Variants in CDH13 observed in about 807,000 individuals in gnomAD.
The protein encoded by CDH13 is cadherin-13.
A neutral mutation model predicts 63.8 loss-of-function variants in CDH13; 24 were observed. The ratio of observed to expected loss-of-function variants is 0.38; its 90% CI spans 0.27 to 0.53. CDH13 has a LOEUF of 0.53. Among genes scored for constraint, CDH13 ranks in the 20% least tolerant of loss-of-function variants. CDH13 has a pLI of 0.85. For missense variants in CDH13, 1,049 were observed against 903.1 expected (o/e 1.16, Z -2.07); for synonymous variants, 503 against 355.3 (o/e 1.42, Z -4.67).
At chr16:83,728,986 C>G (rs1250296271) in intron 10 of CDH13, 1 of 152,794 alleles carries the variant, frequency 6.5e-6, no homozygotes, top group Non-Finnish European at 1.5e-5. Flanking sequence ...GCCTCATTTC[C>G]TTGGGGCATG....
intron 2 of CDH13, chr16:82,859,642 A>C (rs968265962): frequency 1.3e-5 from 2 of 152,084 alleles, no homozygotes; most frequent in Non-Finnish European, 2.9e-5. Flanking sequence ...AGGTGATTCC[A>C]CATTGGCTCT....
At position 83,798,048 on chromosome 16, in the gene CDH13, A is replaced by G. The variant is rs1904291219; in HGVS notation, c.*3018A>G. 1 of 152,246 alleles carries G rather than the reference A, an allele frequency of 6.6e-6. No homozygotes were observed. Among genetic ancestry groups the G allele is most frequent in the African/African-American group, 2.4e-5 (1 of 41,456 alleles). The allele number at this position is 152,246 out of a possible 1,614,324, so 9.4% of individuals were successfully genotyped here. A position where few individuals can be genotyped will look rare whatever the true frequency, so the allele number is the denominator to read the frequency against. ...GCATTATAACGAAATAAATCCAGCC[A>G]GATTTCATGGTAGGTATCAAATAAG... is the stretch of plus-strand genomic sequence containing the variant. On this transcript the variant is annotated 3_prime_UTR_variant, in exon 14 of 14. Transcript: ENST00000567109.
chr16:82,905,582 A>T lies in CDH13; in HGVS notation c.157+47109A>T, dbSNP rs183449240. 7.9e-4 allele frequency among the ~76,000 whole-genome samples: 121 copies of T among 152,332 alleles called. 1 individual carries two copies. In the Middle Eastern group the frequency reaches 0.014, roughly 17 times the overall value. ...AAGTATCAGAAACCACATTTTCCTT[A>T]ACCAGTACTGTCTCATACAAATATA... On this transcript the variant is annotated intron_variant, in intron 2 of 13. Coordinates refer to ENST00000567109, the MANE Select transcript of CDH13 (RefSeq NM_001257.5).
intron 7 of CDH13, among the ~76,000 whole-genome samples, chr16:83,529,091 C>CTTTTTTTTTTTT (rs10562201): frequency 4.3e-5 from 6 of 140,494 alleles, no homozygotes; most frequent in African/African-American, 7.9e-5. Context: ...ATACCTCTGT[C>CTTTTTTTTTTTT]TTTTTTTTTT....
At chr16:82,743,391 C>A (rs889590525) in intron 1 of CDH13, among the ~76,000 whole-genome samples, 15 of 152,172 alleles carry the variant, frequency 9.9e-5, no homozygotes, top group Admixed American at 2.0e-4. Context: ...CGGCACCTGG[C>A]TAATTTTTGC....
chr16:83,033,225 G>C (rs542868777), intron 3 of CDH13, among the ~76,000 whole-genome samples: 1 of 152,054 alleles, frequency 6.6e-6, no homozygotes, highest in Middle Eastern at 3.4e-3. Flanking sequence ...GTTTTGTTTT[G>C]TTTCCCATTG....
chr16:82,706,794 A>T (rs767803094), intron 1 of CDH13, among the ~76,000 whole-genome samples: 6 of 151,508 alleles, frequency 4.0e-5, no homozygotes, highest in Non-Finnish European at 5.9e-5. Flanking sequence ...ACAGAGCGAG[A>T]CTCTGTCTCA....
At chr16:83,258,498 A>G (rs376298044) in intron 5 of CDH13, among the ~76,000 whole-genome samples, 140 of 152,340 alleles carry the variant, frequency 9.2e-4, no homozygotes, top group African/African-American at 2.8e-3. Context: ...ACTGATGATG[A>G]TCAAGAAGAG....
At chr16:83,084,556 G>T (rs374711381) in intron 3 of CDH13, among the ~76,000 whole-genome samples, 1 of 152,146 alleles carries the variant, frequency 6.6e-6, no homozygotes, top group Non-Finnish European at 1.5e-5. Context: ...GTCCTTTAGA[G>T]ATACCTTTGG....
chr16:82,721,713 A>G (rs1261038531), intron 1 of CDH13, among the ~76,000 whole-genome samples: 1 of 152,200 alleles, frequency 6.6e-6, no homozygotes, highest in African/African-American at 2.4e-5. Context: ...GTAGGCCATG[A>G]TAGAGAGTTC....
chr16:82,869,115 C>T (rs571211830), intron 2 of CDH13, among the ~76,000 whole-genome samples: 1 of 152,268 alleles, frequency 6.6e-6, no homozygotes, highest in African/African-American at 2.4e-5. Flanking sequence ...GGCGCAATCT[C>T]AACTCACTGC....
At chr16:83,533,027 A>C (rs1217191686) in intron 7 of CDH13, among the ~76,000 whole-genome samples, 1 of 152,206 alleles carries the variant, frequency 6.6e-6, no homozygotes, top group Admixed American at 6.5e-5. Flanking sequence ...CAGTCTGCAG[A>C]GCATCAGGCA....
At chr16:83,353,538 A>G (rs1036460860) in intron 6 of CDH13, among the ~76,000 whole-genome samples, 1 of 152,262 alleles carries the variant, frequency 6.6e-6, no homozygotes, top group African/African-American at 2.4e-5. Flanking sequence ...ACCAACCAAC[A>G]GAACTGTATG....
intron 7 of CDH13, among the ~76,000 whole-genome samples, chr16:83,595,718 C>T (rs1382959493): frequency 6.6e-6 from 1 of 152,240 alleles, no homozygotes; most frequent in African/African-American, 2.4e-5. Flanking sequence ...TGACCGCAAT[C>T]AGCCACACAA....
intron 1 of CDH13, among the ~76,000 whole-genome samples, chr16:82,846,636 CT>C (rs2151143470): frequency 6.6e-6 from 1 of 152,316 alleles, no homozygotes; most frequent in Admixed American, 6.5e-5. Context: ...TACTTTTTAA[CT>C]GATTCTCAAT....
intron 6 of CDH13, among the ~76,000 whole-genome samples, chr16:83,409,097 C>G (rs544897874): frequency 6.6e-6 from 1 of 152,036 alleles, no homozygotes; most frequent in African/African-American, 2.4e-5. Context: ...GTACAGGAAA[C>G]ACCAGTAGAA....
At chr16:83,059,082 C>A (rs1446370946) in intron 3 of CDH13, among the ~76,000 whole-genome samples, 1 of 152,080 alleles carries the variant, frequency 6.6e-6, no homozygotes, top group East Asian at 1.9e-4. Context: ...TCCCAGGAAG[C>A]AGAAGTGAGT....
At chr16:82,870,074 G>A (rs143915409) in intron 2 of CDH13, among the ~76,000 whole-genome samples, 5 of 151,992 alleles carry the variant, frequency 3.3e-5, no homozygotes, top group South Asian at 4.2e-4. Flanking sequence ...AGAACCACCC[G>A]TTTAATGAGG....
intron 7 of CDH13, among the ~76,000 whole-genome samples, chr16:83,492,328 A>G (rs1314656178): frequency 2.0e-5 from 3 of 152,332 alleles, no homozygotes; most frequent in East Asian, 3.9e-4. Context: ...TCTCATTATC[A>G]TCATGTTTAA....
Sources: gnomAD v4.1 joint callset for allele counts (sites outside exome capture counted in the v4.1 genomes callset) on GRCh38, gnomAD v4.1.1 for gene constraint, MANE v1.5 for transcripts, NCBI Gene and HGNC (gene_info 2026-07-23, HGNC 2026-07-21) for gene names.